GLB1L2: variants seen among roughly 807,000 people sequenced by gnomAD.
GLB1L2 encodes galactosidase beta 1 like 2, also known as beta-galactosidase-1-like protein 2.
In GLB1L2, 68 loss-of-function variants were observed where a neutral mutation model predicts 84.1. The observed-to-expected ratio is 0.81, with a 90% confidence interval of 0.67 to 0.99. The LOEUF is 0.99. Ranked by LOEUF, GLB1L2 falls within the 50% of genes least tolerant of loss-of-function variation. The pLI is 0.00. For synonymous variants in GLB1L2, 290 were observed against 318.0 expected (o/e 0.91, Z 0.94); for missense variants, 762 against 805.6 (o/e 0.95, Z 0.66).
intron 9 of GLB1L2, 120 bp downstream of exon 9, chr11:134,367,461 T>C (rs1943881155): frequency 1.3e-6 from 1 of 776,750 alleles, no homozygotes; most frequent in East Asian, 2.8e-5. Context: ...ATTATCTGTG[T>C]GCAGAAGTTG....
In GLB1L2 at chr11:134,345,076, T is replaced by C. The variant is rs772461522; in HGVS notation, c.396T>C (p.Ile132=). The C allele has an allele frequency of 6.2e-7, 1 of 1,613,448 alleles. No individual in the cohort carries two copies. The change falls in exon 4 of 19, where the codon ATT becomes ATC. Residue 132 remains isoleucine (I), a synonymous_variant. Coordinates refer to ENST00000535456, the MANE Select transcript of GLB1L2 (RefSeq NM_001370461.1). ...CCGCAGAGATCGGGCTGTGGGTGAT[T>C]CTGCGTCCAGGCCCCTACATCTGCA... The part of the protein sequence containing the change: ...LMAAEIGLWV[I]LRPGPYICSE...
At chr11:134,337,290 T>C (rs565514950) in intron 1 of GLB1L2, among the ~76,000 whole-genome samples, 13 of 152,338 alleles carry the variant, frequency 8.5e-5, no homozygotes, top group African/African-American at 3.1e-4. Context: ...GCCTTGGGAA[T>C]GGCAGGCCAA....
chr11:134,335,478 G>A (rs1048408755), intron 1 of GLB1L2, among the ~76,000 whole-genome samples: 1 of 152,160 alleles, frequency 6.6e-6, no homozygotes, highest in Non-Finnish European at 1.5e-5. Flanking sequence ...GTGATCACCT[G>A]TTGGATACAG....
chr11:134,371,390 C>G lies in GLB1L2; in HGVS notation c.1357-31C>G, dbSNP rs537621547. On this transcript the variant is annotated intron_variant, in intron 13 of 18. Coordinates refer to ENST00000535456, the MANE Select transcript of GLB1L2 (RefSeq NM_001370461.1). The stretch of plus-strand genomic sequence containing the variant: ...TCCCGCTTACCCTCCTCCTGTTGGT[C>G]ATGGATGTTCCTGCCTGTTCCCTTT... 7.2e-5 allele frequency: 102 copies of G among 1,413,572 alleles called. 1 individual carries two copies. The South Asian group carries it at 1.1e-3, about 16-fold the overall frequency. 87.6% of individuals were successfully genotyped at this position (1,413,572 alleles called of 1,614,324 possible).
At chr11:134,355,052 C>T (rs539218810) in intron 5 of GLB1L2, among the ~76,000 whole-genome samples, 2 of 152,206 alleles carry the variant, frequency 1.3e-5, no homozygotes, top group South Asian at 4.1e-4. Flanking sequence ...CTCCTCAGAC[C>T]TGATCATTTC....
At position 134,372,391 on chromosome 11, in the gene GLB1L2, CTT is replaced by C. The variant is rs35436836; in HGVS notation, c.1507+571_1507+572del. On this transcript the variant is annotated intron_variant, in intron 15 of 18. Coordinates refer to ENST00000535456, the MANE Select transcript of GLB1L2 (RefSeq NM_001370461.1). ...CTTTTATGCTTTAATTTAGCCCTTCCTTTTTTTTTTTGAGACGGAGTCTCGCT... is the reference window on the plus strand; with the variant it reads ...CTTTTATGCTTTAATTTAGCCCTTCCTTTTTTTTTGAGACGGAGTCTCGCT... The C allele has an allele frequency of 2.2e-3, 324 of 149,722 alleles. 1 individual carries two copies. Among genetic ancestry groups the C allele is most frequent in the African/African-American group, 7.5e-3 (303 of 40,670 alleles). The allele number at this position is 149,722 out of a possible 1,614,324, so 9.3% of individuals were successfully genotyped here.
At chr11:134,356,233 C>A in intron 5 of GLB1L2, 68 bp from the exon 6 acceptor site, 1 of 1,176,542 alleles carries the variant, frequency 8.5e-7, no homozygotes, top group Non-Finnish European at 1.3e-6. Flanking sequence ...TGGTGATGGG[C>A]GTGGCAGGGT....
chr11:134,336,221 AT>A (rs1025818195), intron 1 of GLB1L2, among the ~76,000 whole-genome samples: 1 of 152,096 alleles, frequency 6.6e-6, no homozygotes, highest in African/African-American at 2.4e-5. Context: ...CACAGATTGT[AT>A]TTTTTTCCCT....
chr11:134,342,092 C>G (rs1315862582), intron 1 of GLB1L2, among the ~76,000 whole-genome samples: 1 of 152,110 alleles, frequency 6.6e-6, no homozygotes, highest in Middle Eastern at 3.2e-3. Flanking sequence ...GGGAAGGAGA[C>G]CCACCCGGCA....
chr11:134,373,511 C>T (rs111745352), intron 15 of GLB1L2, among the ~76,000 whole-genome samples: 3 of 152,308 alleles, frequency 2.0e-5, no homozygotes, highest in Admixed American at 6.5e-5. Flanking sequence ...TCCTCCTTCC[C>T]GTCCCCCACA....
Position 134,371,466 on chromosome 11 carries a change from A to G in GLB1L2, c.1402A>G (p.Thr468Ala). The G allele has an allele frequency of 1.3e-6, 2 of 1,598,396 alleles. No individual in the cohort carries two copies. The highest frequency in any genetic ancestry group is 1.7e-6 in the Non-Finnish European group (2 of 1,165,652). The change falls in exon 14 of 19, where the codon ACG becomes GCG. Residue 468 changes from threonine (T) to alanine (A), a missense_variant. Physicochemically the swap from Thr to Ala is moderately conservative, Grantham distance 58 (BLOSUM62 0). Coordinates refer to ENST00000535456, the MANE Select transcript of GLB1L2 (RefSeq NM_001370461.1). The part of the protein sequence containing the change: ...VSIGFLDYKT[T>A]KIAVPLIQGY... ...CATAGGATTCTTGGACTACAAGACA[A>G]CGAAGATTGCTGTCCCCCTGATCCA...
At chr11:134,347,301 C>T (rs767174425) in intron 4 of GLB1L2, 24 bp from the exon 5 acceptor site, 3 of 1,572,144 alleles carry the variant, frequency 1.9e-6, no homozygotes, top group South Asian at 1.1e-5. Flanking sequence ...TAACATCCTT[C>T]CTTTCCCCCG....
chr11:134,345,444 G>C (rs1943540421), intron 4 of GLB1L2, among the ~76,000 whole-genome samples: 1 of 152,154 alleles, frequency 6.6e-6, no homozygotes, highest in Non-Finnish European at 1.5e-5. Context: ...CTGCGTGTCT[G>C]CAGTATGGGA....
chr11:134,372,263 G>T (rs183983201), intron 15 of GLB1L2, among the ~76,000 whole-genome samples: 3 of 152,174 alleles, frequency 2.0e-5, no homozygotes, highest in Non-Finnish European at 4.4e-5. Context: ...TCAGATGTTG[G>T]GGGAGGAGGA....
intron 4 of GLB1L2, chr11:134,346,908 T>C: frequency 5.4e-6 from 1 of 184,020 alleles, no homozygotes; most frequent in Non-Finnish European, 1.2e-5. Context: ...TCTGTCAGGC[T>C]TGTTTTTTGG....
rs1239131291 is a variant in GLB1L2, at chr11:134,367,245, T to C, written c.805-12T>C. ...CAGCCTGCTTGTCTAACTCTCATTT[T>C]GTGGTGTCCAGGGGACTCAGCCCAA... On this transcript the variant is annotated splice_polypyrimidine_tract_variant and intron_variant, in intron 8 of 18. Transcript: ENST00000535456. 6.2e-7 allele frequency: 1 copy of C among 1,612,340 alleles called. No homozygotes were observed. Among genetic ancestry groups the C allele is most frequent in the Non-Finnish European group, 8.5e-7 (1 of 1,178,490 alleles).
intron 15 of GLB1L2, 81 bp from the exon 16 acceptor site, chr11:134,373,640 A>G: frequency 1.1e-6 from 1 of 875,364 alleles, no homozygotes; most frequent in Non-Finnish European, 1.9e-6. Flanking sequence ...CCAGCTTCCC[A>G]GGGCTTCCCC....
intron 7 of GLB1L2, chr11:134,360,058 A>T (rs1455873933): frequency 6.6e-6 from 1 of 152,362 alleles, no homozygotes; most frequent in African/African-American, 2.4e-5. Flanking sequence ...TTCACCCAGC[A>T]GTACTCTTGG....
At chr11:134,367,433 G>A in intron 9 of GLB1L2, 92 bp downstream of exon 9, 1 of 1,057,502 alleles carries the variant, frequency 9.5e-7, no homozygotes, top group Non-Finnish European at 1.4e-6. Flanking sequence ...AAGCCATAGG[G>A]GGTGCAAGGC....
Sources: gnomAD v4.1 joint callset for allele counts (sites outside exome capture counted in the v4.1 genomes callset) on GRCh38, gnomAD v4.1.1 for gene constraint, MANE v1.5 for transcripts, NCBI Gene and HGNC (gene_info 2026-07-23, HGNC 2026-07-21) for gene names.